Variants in GPC5 observed in about 807,000 individuals in gnomAD.
The protein encoded by GPC5 is glypican 5, also known as glypican-5.
GPC5 carries 47 observed loss-of-function variants against 53.9 expected under a neutral mutation model. The ratio of observed to expected loss-of-function variants is 0.87; its 90% CI spans 0.69 to 1.11. GPC5 has a LOEUF of 1.11. GPC5 is among the 50% of genes most tolerant of loss of function. GPC5 has a pLI of 0.00. For missense variants in GPC5, 748 were observed against 713.1 expected (o/e 1.05, Z -0.56); for synonymous variants, 286 against 263.3 (o/e 1.09, Z -0.84).
chr13:91,862,203 A>G (rs1461282741), intron 5 of GPC5, among the ~76,000 whole-genome samples: 1 of 152,148 alleles, frequency 6.6e-6, no homozygotes, highest in Non-Finnish European at 1.5e-5. Flanking sequence ...CATGTTTTGT[A>G]GTGAAGATTT....
chr13:92,074,540 C>T (rs182517883), intron 6 of GPC5, among the ~76,000 whole-genome samples: 20 of 152,162 alleles, frequency 1.3e-4, no homozygotes, highest in Non-Finnish European at 2.2e-4. Context: ...TCATAGTTGG[C>T]CAGTAATGAA....
At chr13:92,636,083 C>T (rs1471946133) in intron 7 of GPC5, among the ~76,000 whole-genome samples, 1 of 152,144 alleles carries the variant, frequency 6.6e-6, no homozygotes, top group Non-Finnish European at 1.5e-5. Context: ...TCTATGTGGG[C>T]CTCACATCTG....
At chr13:91,406,057 C>A (rs2138759674) in intron 1 of GPC5, among the ~76,000 whole-genome samples, 1 of 152,258 alleles carries the variant, frequency 6.6e-6, no homozygotes, top group South Asian at 2.1e-4. Context: ...TAGGTGTGAG[C>A]CACCATGCCT....
At chr13:92,380,386 TG>T (rs1415842032) in intron 7 of GPC5, among the ~76,000 whole-genome samples, 2 of 152,280 alleles carry the variant, frequency 1.3e-5, no homozygotes, top group African/African-American at 4.8e-5. Context: ...GGAGGAGTGT[TG>T]TCTGCTGCTG....
At chr13:92,305,804 G>A (rs933410329) in intron 7 of GPC5, among the ~76,000 whole-genome samples, 6 of 152,110 alleles carry the variant, frequency 3.9e-5, no homozygotes, top group African/African-American at 7.2e-5. Flanking sequence ...CAAAGTCCAC[G>A]ATTTCTTCCC....
chr13:91,415,546 C>T (rs528705877), intron 1 of GPC5, among the ~76,000 whole-genome samples: 17 of 152,254 alleles, frequency 1.1e-4, no homozygotes, highest in Non-Finnish European at 2.1e-4. Context: ...CCTTTTTATA[C>T]GTCTTGCCTA....
At chr13:92,131,873 A>AATGTGCT (rs1169029841) in intron 6 of GPC5, among the ~76,000 whole-genome samples, 1 of 152,062 alleles carries the variant, frequency 6.6e-6, no homozygotes, top group Non-Finnish European at 1.5e-5. Context: ...AAATAAGTAG[A>AATGTGCT]TTAATAAAGC....
intron 5 of GPC5, among the ~76,000 whole-genome samples, chr13:91,897,875 A>G (rs148987229): frequency 1.3e-5 from 2 of 152,288 alleles, no homozygotes; most frequent in East Asian, 3.9e-4. Context: ...CAGTTCAGAC[A>G]CAACCTCTGC....
chr13:92,286,476 G>C (rs970967118), intron 7 of GPC5, among the ~76,000 whole-genome samples: 3 of 151,986 alleles, frequency 2.0e-5, no homozygotes, highest in Non-Finnish European at 2.9e-5. Context: ...CAAAGACTTG[G>C]AACCAACCCA....
chr13:92,392,868 A>T (rs1875075223), intron 7 of GPC5, among the ~76,000 whole-genome samples: 3 of 152,260 alleles, frequency 2.0e-5, no homozygotes, highest in South Asian at 4.1e-4. Context: ...CACACCAGTC[A>T]GAATGGCTAT....
chr13:92,220,947 G>A (rs1287508459), intron 7 of GPC5, among the ~76,000 whole-genome samples: 1 of 151,990 alleles, frequency 6.6e-6, no homozygotes, highest in African/African-American at 2.4e-5. Flanking sequence ...TTTTGTGAGG[G>A]GTGGAGGTTG....
intron 2 of GPC5, among the ~76,000 whole-genome samples, chr13:91,665,349 T>C (rs1036953057): frequency 1.2e-4 from 19 of 152,214 alleles, no homozygotes; most frequent in Admixed American, 1.0e-3. Context: ...GCTAGAAATA[T>C]TGCTAACTGG....
chr13:91,955,442 T>C (rs973883343), intron 6 of GPC5, among the ~76,000 whole-genome samples: 1 of 152,114 alleles, frequency 6.6e-6, no homozygotes, highest in African/African-American at 2.4e-5. Context: ...ACACTTTGAA[T>C]AGACGATGTA....
rs776420208 is a variant in GPC5 at position 92,592,974 on chromosome 13, G to A, written c.1562-273308G>A. 9.3e-5 allele frequency among the ~76,000 whole-genome samples: 14 copies of A among 151,088 alleles called. 2 individuals are homozygous for A. The highest frequency in any genetic ancestry group is 1.2e-4 in the African/African-American group (5 of 41,168). ...ACTTTCACTACAGCAGGAAGTGGGCGATGTGCAGTTAAGACATCCCCTCAT... is the reference window on the plus strand; with the variant it reads ...ACTTTCACTACAGCAGGAAGTGGGCAATGTGCAGTTAAGACATCCCCTCAT... On this transcript the variant is annotated intron_variant, in intron 7 of 7. Transcript: ENST00000377067.
intron 7 of GPC5, among the ~76,000 whole-genome samples, chr13:92,566,165 C>T (rs2139035514): frequency 6.6e-6 from 1 of 151,964 alleles, no homozygotes; most frequent in South Asian, 2.1e-4. Context: ...TGTCTCAGAC[C>T]CCTAAAGGTC....
chr13:92,211,462 G>C (rs563270390), intron 7 of GPC5, among the ~76,000 whole-genome samples: 1 of 152,286 alleles, frequency 6.6e-6, no homozygotes, highest in South Asian at 2.1e-4. Flanking sequence ...AACCAACTGT[G>C]GTTCTCCCAG....
Position 92,242,974 on chromosome 13 carries a change from A to G in GPC5, c.1561+97985A>G, listed in dbSNP as rs572588591. 2.0e-5 allele frequency among the ~76,000 whole-genome samples: 3 copies of G among 152,346 alleles called. No individual in the cohort carries two copies. The East Asian group carries it at 5.8e-4, about 29-fold the overall frequency. ...ATTTAATTATTTAACTTAAAAATCCAGTACATTCTGCACTTCAGTCTTGTT... is the reference window on the plus strand; with the variant it reads ...ATTTAATTATTTAACTTAAAAATCCGGTACATTCTGCACTTCAGTCTTGTT... On this transcript the variant is annotated intron_variant, in intron 7 of 7. Coordinates refer to ENST00000377067, the MANE Select transcript of GPC5 (RefSeq NM_004466.6).
intron 5 of GPC5, among the ~76,000 whole-genome samples, chr13:91,873,634 C>T (rs1337863885): frequency 1.3e-5 from 2 of 152,104 alleles, no homozygotes; most frequent in Non-Finnish European, 2.9e-5. Context: ...AACTGTGAGA[C>T]CTTTAAACCT....
intron 7 of GPC5, among the ~76,000 whole-genome samples, chr13:92,220,270 A>G (rs984567159): frequency 2.6e-5 from 4 of 152,154 alleles, no homozygotes; most frequent in Non-Finnish European, 5.9e-5. Flanking sequence ...ATAAAAAAAA[A>G]TCCTGCCCTA....
Sources: gnomAD v4.1 joint callset for allele counts (sites outside exome capture counted in the v4.1 genomes callset) on GRCh38, gnomAD v4.1.1 for gene constraint, MANE v1.5 for transcripts, NCBI Gene and HGNC (gene_info 2026-07-23, HGNC 2026-07-21) for gene names.